The following DLG2 variants were observed in gnomAD, a reference collection of about 807,000 sequenced individuals.
DLG2 encodes the protein disks large homolog 2.
DLG2 carries 45 observed loss-of-function variants against 132.5 expected under a neutral mutation model. The observed-to-expected ratio is 0.34, with a 90% confidence interval of 0.27 to 0.44. The LOEUF is 0.44. Ranked by LOEUF, DLG2 falls within the 20% of genes least tolerant of loss-of-function variation. The probability of loss-of-function intolerance (pLI) is 1.00; values close to 1 mark genes in which losing one functional copy is unlikely to be tolerated. For missense variants in DLG2, 1,045 were observed against 1,196.9 expected (o/e 0.87, Z 1.87); for synonymous variants, 424 against 419.6 (o/e 1.01, Z -0.13).
chr11:85,007,415 C>G (rs1397907575), intron 6 of DLG2, among the ~76,000 whole-genome samples: 1 of 151,846 alleles, frequency 6.6e-6, no homozygotes, highest in Non-Finnish European at 1.5e-5. Flanking sequence ...AATCCCAGCA[C>G]TTTGGGAAGC....
chr11:84,695,280 G>C (rs1313972015), intron 6 of DLG2, among the ~76,000 whole-genome samples: 1 of 151,538 alleles, frequency 6.6e-6, no homozygotes, highest in Non-Finnish European at 1.5e-5. Flanking sequence ...ACTGCTGGCA[G>C]AGGTAAGACT....
intron 6 of DLG2, among the ~76,000 whole-genome samples, chr11:84,727,489 T>C (rs535522855): frequency 5.3e-5 from 8 of 152,316 alleles, no homozygotes; most frequent in Non-Finnish European, 1.0e-4. Flanking sequence ...CTGTTTTGGT[T>C]ACTGTAGCCT....
At chr11:84,752,494 A>G (rs187818346) in intron 6 of DLG2, among the ~76,000 whole-genome samples, 1 of 152,016 alleles carries the variant, frequency 6.6e-6, no homozygotes, top group East Asian at 1.9e-4. Context: ...TTTTATCATT[A>G]GAAATACATC....
intron 6 of DLG2, among the ~76,000 whole-genome samples, chr11:84,746,681 C>T (rs1359680704): frequency 1.3e-5 from 2 of 152,120 alleles, no homozygotes; most frequent in Admixed American, 6.6e-5. Context: ...GGAATGAAGG[C>T]TATTTTGATG....
chr11:84,731,046 T>C (rs904904585), intron 6 of DLG2, among the ~76,000 whole-genome samples: 1 of 152,052 alleles, frequency 6.6e-6, no homozygotes, highest in Non-Finnish European at 1.5e-5. Flanking sequence ...TAAAATAAGA[T>C]TGTTATAAGA....
intron 4 of DLG2, among the ~76,000 whole-genome samples, chr11:85,157,637 C>T (rs2077681726): frequency 6.6e-6 from 1 of 152,150 alleles, no homozygotes. Flanking sequence ...TAAATACCAG[C>T]TTCAGAAGCA....
chr11:85,056,797 AG>A (rs1432924276), intron 6 of DLG2, among the ~76,000 whole-genome samples: 2 of 152,020 alleles, frequency 1.3e-5, no homozygotes, highest in Non-Finnish European at 2.9e-5. Context: ...CAATAATGAA[AG>A]CCATAGGCAT....
chr11:85,439,747 C>T (rs2091682707), intron 3 of DLG2, among the ~76,000 whole-genome samples: 1 of 151,924 alleles, frequency 6.6e-6, no homozygotes, highest in African/African-American at 2.4e-5. Context: ...AACAAAAAGT[C>T]AAAAAGTAGT....
intron 3 of DLG2, among the ~76,000 whole-genome samples, chr11:85,493,190 G>A (rs73505537): frequency 0.034 from 5,207 of 152,224 alleles, 284 homozygotes; most frequent in African/African-American, 0.12. Context: ...AGTAGTACAT[G>A]AGGTGCAATG....
At chr11:84,205,529 A>C (rs2096653899) in intron 8 of DLG2, among the ~76,000 whole-genome samples, 1 of 148,056 alleles carries the variant, frequency 6.8e-6, no homozygotes, top group African/African-American at 2.5e-5. Flanking sequence ...CATAGACTAA[A>C]TTCTCTGAGA....
At chr11:84,703,639 CTTGAG>C (rs909534785) in intron 6 of DLG2, among the ~76,000 whole-genome samples, 3 of 151,106 alleles carry the variant, frequency 2.0e-5, no homozygotes, top group African/African-American at 7.3e-5. Context: ...GTCTCAAGAG[CTTGAG>C]TTAAGAGAAA....
intron 7 of DLG2, among the ~76,000 whole-genome samples, chr11:84,376,553 A>T (rs1403740980): frequency 6.6e-6 from 1 of 151,940 alleles, no homozygotes; most frequent in African/African-American, 2.4e-5. Context: ...ATTCTAGAAA[A>T]AGCCAAGTCT....
At chr11:84,647,945 T>G (rs1463287642) in intron 6 of DLG2, among the ~76,000 whole-genome samples, 3 of 152,206 alleles carry the variant, frequency 2.0e-5, no homozygotes, top group African/African-American at 7.2e-5. Flanking sequence ...TTATGGTGCT[T>G]AGTACTTAGC....
intron 6 of DLG2, among the ~76,000 whole-genome samples, chr11:85,023,825 A>G (rs1348203093): frequency 6.6e-6 from 1 of 152,088 alleles, no homozygotes; most frequent in Non-Finnish European, 1.5e-5. Context: ...CATTTATATT[A>G]TTTCATATCC....
intron 6 of DLG2, among the ~76,000 whole-genome samples, chr11:84,578,783 C>T (rs956581724): frequency 3.3e-5 from 5 of 151,984 alleles, no homozygotes; most frequent in Non-Finnish European, 7.4e-5. Context: ...TTTTGGAATG[C>T]GAAGACATGA....
chr11:83,937,262 C>T (rs553401636), intron 14 of DLG2, among the ~76,000 whole-genome samples: 3 of 152,054 alleles, frequency 2.0e-5, no homozygotes, highest in African/African-American at 7.2e-5. Context: ...AATCCCAGCA[C>T]TTTGGGAGGC....
intron 18 of DLG2, among the ~76,000 whole-genome samples, chr11:83,715,082 A>G (rs1319556938): frequency 6.6e-6 from 1 of 152,108 alleles, no homozygotes; most frequent in Non-Finnish European, 1.5e-5. Context: ...ATGCAGCCAT[A>G]AAAAAAGGAT....
chr11:84,092,861 C>A (rs2097112961), intron 10 of DLG2, among the ~76,000 whole-genome samples: 1 of 151,822 alleles, frequency 6.6e-6, no homozygotes, highest in Non-Finnish European at 1.5e-5. Context: ...CATGGTGAAA[C>A]CCTGATTCTA....
chr11:83,562,111 T>C (rs2096621426), intron 19 of DLG2, among the ~76,000 whole-genome samples: 1 of 151,972 alleles, frequency 6.6e-6, no homozygotes, highest in Non-Finnish European at 1.5e-5. Context: ...TTGGTGTCGA[T>C]CTCTTGACCT....
Sources: gnomAD v4.1 joint callset for allele counts (sites outside exome capture counted in the v4.1 genomes callset) on GRCh38, gnomAD v4.1.1 for gene constraint, MANE v1.5 for transcripts, NCBI Gene and HGNC (gene_info 2026-07-23, HGNC 2026-07-21) for gene names.